ARHGEF33: variants seen among roughly 807,000 people sequenced by gnomAD.
The protein encoded by ARHGEF33 is Rho guanine nucleotide exchange factor 33.
Under a neutral mutation model 101.9 loss-of-function variants are expected in ARHGEF33, and 72 were observed. The observed-to-expected ratio is 0.71, with a 90% CI of 0.58 to 0.86. The LOEUF is 0.86. ARHGEF33 is among the 40% of genes least tolerant of loss of function. The probability of loss-of-function intolerance (pLI) is 0.00; values close to 1 mark genes in which losing one functional copy is unlikely to be tolerated. For synonymous variants in ARHGEF33, 499 were observed against 442.5 expected (o/e 1.13, Z -1.60); for missense variants, 1,169 against 1,111.3 (o/e 1.05, Z -0.74).
intron 10 of ARHGEF33, among the ~76,000 whole-genome samples, chr2:38,947,571 G>A (rs1482122725): frequency 1.3e-5 from 2 of 152,136 alleles, no homozygotes; most frequent in African/African-American, 4.8e-5. Flanking sequence ...ACCACTAACA[G>A]CTACTTTTTC....
chr2:38,951,659 A>C (rs138942020), intron 11 of ARHGEF33, among the ~76,000 whole-genome samples: 1 of 151,998 alleles, frequency 6.6e-6, no homozygotes. Context: ...GCATCTGTGT[A>C]TATATATACA....
At chr2:38,935,932 A>G in intron 8 of ARHGEF33, 98 bp downstream of exon 8, 1 of 977,724 alleles carries the variant, frequency 1.0e-6, no homozygotes, top group Non-Finnish European at 1.6e-6. Flanking sequence ...CAAACCAGGC[A>G]TGAAAGAACT....
intron 16 of ARHGEF33, among the ~76,000 whole-genome samples, 172 bp downstream of exon 16, chr2:38,960,820 G>A (rs1558444935): frequency 6.6e-6 from 1 of 152,100 alleles, no homozygotes; most frequent in East Asian, 1.9e-4. Flanking sequence ...CAGCCCCCGC[G>A]CCCTGCGAGC....
chr2:38,902,223 T>G (rs1231645773), intron 2 of ARHGEF33, among the ~76,000 whole-genome samples: 5 of 151,694 alleles, frequency 3.3e-5, no homozygotes, highest in South Asian at 2.1e-4. Context: ...CAGATTAAAG[T>G]GTGTTTTTAA....
At position 38,943,915 on chromosome 2, in the gene ARHGEF33, G is replaced by A. The variant is rs764368127; in HGVS notation, c.805G>A (p.Val269Met). 2.6e-6 allele frequency: 4 copies of A among 1,551,612 alleles called. No homozygotes were observed. In the South Asian group the frequency reaches 4.8e-5, roughly 19 times the overall value. The change falls in exon 10 of 18, where the codon GTG (valine) becomes ATG (methionine). Residue 269 changes from valine (V) to methionine (M), a missense_variant. Transcript: ENST00000409978. ...ETSLAAKRQT[V>M]ALELLESERK... is the part of the protein sequence containing the mutation. ...TGTTTCTAAAGCTAAAAGACAGACT[G>A]TGGCCCTGGAACTGCTTGAATCTGA...
At chr2:38,924,674 T>A (rs952094548) in intron 4 of ARHGEF33, among the ~76,000 whole-genome samples, 1 of 152,240 alleles carries the variant, frequency 6.6e-6, no homozygotes, top group Non-Finnish European at 1.5e-5. Context: ...GGACATTACA[T>A]ATCATATGTA....
intron 6 of ARHGEF33, among the ~76,000 whole-genome samples, chr2:38,930,359 T>C (rs972170538): frequency 1.3e-5 from 2 of 151,854 alleles, no homozygotes; most frequent in Non-Finnish European, 2.9e-5. Flanking sequence ...CTTTTCTTTT[T>C]TTTTTTTGGA....
chr2:38,929,651 A>G (rs1442629231), intron 5 of ARHGEF33, 58 bp from the exon 6 acceptor site: 11 of 1,427,624 alleles, frequency 7.7e-6, no homozygotes, highest in Non-Finnish European at 1.0e-5. Context: ...GTGCTAGATT[A>G]TGTTATATAC....
chr2:38,967,447 T>C (rs902568807), intron 17 of ARHGEF33, among the ~76,000 whole-genome samples: 6 of 152,158 alleles, frequency 3.9e-5, no homozygotes, highest in Non-Finnish European at 8.8e-5. Context: ...ATTTGAAGAG[T>C]TGAGAATTGT....
intron 9 of ARHGEF33, 26 bp downstream of exon 9, chr2:38,937,585 TAATAGTTTAAAG>T: frequency 7.7e-7 from 1 of 1,297,414 alleles, no homozygotes; most frequent in South Asian, 1.3e-5. Flanking sequence ...GAATGCAGGC[TAATAGTTTAAAG>T]AACAGGATGT....
chr2:38,916,957 C>A (rs113086076), intron 2 of ARHGEF33, among the ~76,000 whole-genome samples: 1 of 150,316 alleles, frequency 6.7e-6, no homozygotes, highest in Non-Finnish European at 1.5e-5. Flanking sequence ...TGCGCCACCA[C>A]GCCCGATTAA....
In ARHGEF33 at chr2:38,960,363, C is replaced by A; in HGVS notation, c.2058C>A (p.Ser686Arg). Reference protein sequence around the residue: ...LPKSATSPAGSSSAYKLEAAA... With the variant: ...LPKSATSPAGRSSAYKLEAAA... The stretch of plus-strand genomic sequence containing the variant: ...AGAGCGCTACGTCGCCGGCGGGCAG[C>A]AGCAGCGCCTACAAACTGGAGGCGG... Residue 686 changes from serine to arginine, a missense_variant, in exon 16 of 18, where the codon AGC becomes AGA. Transcript: ENST00000409978. 1 of 1,528,344 alleles carries A rather than the reference C, an allele frequency of 6.5e-7. No homozygotes were observed. The highest frequency in any genetic ancestry group is 8.8e-7 in the Non-Finnish European group (1 of 1,141,914). The allele number at this position is 1,528,344 out of a possible 1,614,324, so 94.7% of individuals were successfully genotyped here. A position where few individuals can be genotyped will look rare whatever the true frequency, so the allele number is the denominator to read the frequency against.
intron 2 of ARHGEF33, among the ~76,000 whole-genome samples, chr2:38,898,859 G>A (rs1023350012): frequency 3.9e-5 from 6 of 152,108 alleles, no homozygotes; most frequent in African/African-American, 1.4e-4. Context: ...TGTGTATAAT[G>A]TATCTTATAA....
intron 2 of ARHGEF33, among the ~76,000 whole-genome samples, chr2:38,905,465 G>C (rs917093656): frequency 6.6e-6 from 1 of 152,214 alleles, no homozygotes; most frequent in Non-Finnish European, 1.5e-5. Context: ...TTTAGCCTCA[G>C]CATTTTAGAG....
intron 10 of ARHGEF33, among the ~76,000 whole-genome samples, chr2:38,945,775 A>G (rs563070849): frequency 3.3e-5 from 5 of 152,324 alleles, no homozygotes; most frequent in African/African-American, 9.6e-5. Flanking sequence ...TTTACTGTGG[A>G]AGGGAGTAGT....
At chr2:38,955,271 A>G (rs1667710541) in intron 13 of ARHGEF33, among the ~76,000 whole-genome samples, 1 of 152,180 alleles carries the variant, frequency 6.6e-6, no homozygotes, top group Non-Finnish European at 1.5e-5. Flanking sequence ...AATTTCCTGC[A>G]GGACTTGTGA....
At chr2:38,936,983 A>C (rs990863858) in intron 8 of ARHGEF33, 1 of 150,784 alleles carries the variant, frequency 6.6e-6, no homozygotes, top group African/African-American at 2.4e-5. Flanking sequence ...TCTCAAAAAA[A>C]AAAAAGTAAC....
At chr2:38,957,907 C>T (rs422854) in intron 14 of ARHGEF33, 127 bp from the exon 15 acceptor site, 1,091,254 of 1,178,546 alleles carry the variant, frequency 0.93, 505,983 homozygotes, top group Admixed American at 0.94. Context: ...TGCAAAGGCC[C>T]CTGGAGATAG....
intron 2 of ARHGEF33, among the ~76,000 whole-genome samples, chr2:38,904,395 C>T (rs748461269): frequency 2.7e-5 from 4 of 149,412 alleles, no homozygotes; most frequent in African/African-American, 4.9e-5. Flanking sequence ...TTTGAGATCT[C>T]GATTTTATTT....
Sources: allele counts gnomAD v4.1 joint callset (sites outside exome capture counted in the v4.1 genomes callset), GRCh38; gene constraint gnomAD v4.1.1; transcripts MANE v1.5; gene names NCBI Gene and HGNC (gene_info 2026-07-23, HGNC 2026-07-21).